DLGAP1: variants seen among roughly 807,000 people sequenced by gnomAD.
The protein encoded by DLGAP1 is disks large-associated protein 1.
A neutral mutation model predicts 90.8 loss-of-function variants in DLGAP1; 11 were observed. The ratio of observed to expected loss-of-function variants is 0.12; its 90% CI spans 0.08 to 0.20. DLGAP1 has a LOEUF of 0.20. Ranked by LOEUF, DLGAP1 falls within the 10% of genes least tolerant of loss-of-function variation. The pLI is 1.00. For synonymous variants in DLGAP1, 558 were observed against 540.7 expected (o/e 1.03, Z -0.44); for missense variants, 1,050 against 1,333.8 (o/e 0.79, Z 3.31).
intron 8 of DLGAP1, among the ~76,000 whole-genome samples, chr18:3,576,050 A>G (rs2055107634): frequency 6.6e-6 from 1 of 152,170 alleles, no homozygotes; most frequent in Non-Finnish European, 1.5e-5. Context: ...CTTACTGTCT[A>G]GCAGCCTCGA....
chr18:4,382,485 T>C (rs900616147), intron 1 of DLGAP1, among the ~76,000 whole-genome samples: 1 of 78,280 alleles, frequency 1.3e-5, no homozygotes, highest in African/African-American at 3.7e-5. Flanking sequence ...AACAGCATTA[T>C]GCTTTTTTTT....
chr18:4,183,730 T>G (rs556469263), intron 1 of DLGAP1, among the ~76,000 whole-genome samples: 1 of 152,248 alleles, frequency 6.6e-6, no homozygotes, highest in Admixed American at 6.6e-5. Flanking sequence ...TCAGATAATC[T>G]TTACCTGGGT....
At chr18:4,038,081 T>C (rs1184244945) in intron 2 of DLGAP1, among the ~76,000 whole-genome samples, 1 of 152,256 alleles carries the variant, frequency 6.6e-6, no homozygotes, top group Non-Finnish European at 1.5e-5. Flanking sequence ...ACTCTAGATA[T>C]GTAATCATGC....
intron 1 of DLGAP1, among the ~76,000 whole-genome samples, chr18:4,381,884 G>A (rs943288842): frequency 6.6e-6 from 1 of 152,158 alleles, no homozygotes; most frequent in Non-Finnish European, 1.5e-5. Flanking sequence ...GTTCCACGTG[G>A]CTGGGGAGGC....
intron 7 of DLGAP1, among the ~76,000 whole-genome samples, chr18:3,629,618 G>A (rs1289752427): frequency 1.3e-5 from 2 of 152,032 alleles, no homozygotes; most frequent in Non-Finnish European, 2.9e-5. Context: ...CTTGCAGTGA[G>A]CCGAGATCGC....
chr18:3,617,473 G>A (rs563751577), intron 7 of DLGAP1, among the ~76,000 whole-genome samples: 2 of 151,506 alleles, frequency 1.3e-5, no homozygotes, highest in South Asian at 2.1e-4. Flanking sequence ...GGTGGTGGGC[G>A]CCTGTAATCC....
rs149819179 is a variant in DLGAP1, at chr18:3,992,481, C to T, written c.-73+12635G>A. ...ATGCTTGAGTCCAGGAGTTCCAGAC[C>T]AGCCTGAGCAACATGGTGAAATCTG... On this transcript the variant is annotated intron_variant, in intron 3 of 12. Transcript: ENST00000315677. 1.1e-4 allele frequency among the ~76,000 whole-genome samples: 16 copies of T among 152,228 alleles called. No individual in the cohort carries two copies. The East Asian group carries it at 3.1e-3, about 29-fold the overall frequency.
intron 7 of DLGAP1, among the ~76,000 whole-genome samples, chr18:3,685,563 CAAAAAA>C (rs59737533): frequency 5.2e-5 from 4 of 76,606 alleles, no homozygotes; most frequent in Admixed American, 1.5e-4. Context: ...GATTCCGTCT[CAAAAAA>C]AAAAAAAAAA....
chr18:4,354,055 G>A (rs1243818684), intron 1 of DLGAP1, among the ~76,000 whole-genome samples: 3 of 152,164 alleles, frequency 2.0e-5, no homozygotes, highest in Non-Finnish European at 4.4e-5. Flanking sequence ...CGACAGGTAA[G>A]GAGTCTCTGT....
chr18:3,595,993 AGG>A (rs1380467769), intron 7 of DLGAP1, among the ~76,000 whole-genome samples: 1 of 152,180 alleles, frequency 6.6e-6, no homozygotes, highest in Non-Finnish European at 1.5e-5. Flanking sequence ...TGTTTACAGA[AGG>A]GGAAGATTCA....
chr18:4,204,155 C>G (rs2077669065), intron 1 of DLGAP1, among the ~76,000 whole-genome samples: 1 of 152,212 alleles, frequency 6.6e-6, no homozygotes, highest in Non-Finnish European at 1.5e-5. Context: ...CGCCATAATT[C>G]TTTCAACTGT....
chr18:3,535,072 CTGTG>C (rs111975324), intron 9 of DLGAP1, among the ~76,000 whole-genome samples: 10,552 of 144,648 alleles, frequency 0.073, 520 homozygotes, highest in African/African-American at 0.13. Flanking sequence ...TCAATCTTCT[CTGTG>C]TGTGTGTGTG....
chr18:4,284,245 G>A (rs538418793), intron 1 of DLGAP1, among the ~76,000 whole-genome samples: 47 of 151,348 alleles, frequency 3.1e-4, no homozygotes, highest in African/African-American at 1.1e-3. Flanking sequence ...CAAGCAGGGA[G>A]AAGCCTTTCA....
chr18:4,322,124 C>T lies in DLGAP1; in HGVS notation c.-267+132882G>A, dbSNP rs181422776. Among the ~76,000 whole-genome samples the T allele has an allele frequency of 2.4e-3, 369 of 151,902 alleles. 1 individual carries two copies. The highest frequency in any genetic ancestry group is 8.1e-3 in the African/African-American group (337 of 41,408). On this transcript the variant is annotated intron_variant, in intron 1 of 12. Coordinates refer to ENST00000315677, the MANE Select transcript of DLGAP1 (RefSeq NM_004746.4). ...CTGAGGCATGAGAATGGCTTGAACC[C>T]GGGAGGCTGAGGTTGCAGTGAACCA...
At chr18:4,115,477 C>CCTTCCTTTCTTTCTTT (rs1555742752) in intron 2 of DLGAP1, among the ~76,000 whole-genome samples, 1 of 145,364 alleles carries the variant, frequency 6.9e-6, no homozygotes, top group African/African-American at 2.8e-5. Flanking sequence ...TCATTTTCTT[C>CCTTCCTTTCTTTCTTT]CTTTCTTTCT....
At chr18:4,237,263 T>C (rs1418442923) in intron 1 of DLGAP1, among the ~76,000 whole-genome samples, 1 of 152,198 alleles carries the variant, frequency 6.6e-6, no homozygotes. Flanking sequence ...AAATTTATAC[T>C]TGTTGTTGTT....
At chr18:3,644,401 T>TTTCA (rs1555613021) in intron 7 of DLGAP1, among the ~76,000 whole-genome samples, 1 of 150,682 alleles carries the variant, frequency 6.6e-6, no homozygotes, top group Non-Finnish European at 1.5e-5. Context: ...TACTATTTTA[T>TTTCA]TTTATTTATT....
At chr18:4,153,269 G>T (rs1343387148) in intron 1 of DLGAP1, among the ~76,000 whole-genome samples, 1 of 152,184 alleles carries the variant, frequency 6.6e-6, no homozygotes, top group Non-Finnish European at 1.5e-5. Flanking sequence ...GTTTAAATCA[G>T]AATATTCATG....
chr18:3,702,360 A>G lies in DLGAP1; in HGVS notation c.1591+26775T>C, dbSNP rs550747645. On this transcript the variant is annotated intron_variant, in intron 7 of 12. Coordinates refer to ENST00000315677, the MANE Select transcript of DLGAP1 (RefSeq NM_004746.4). ...AATTTTAAAATAGCAGGTGTGCTTC[A>G]TGGTGCTCAATTGGATATGCTTCAC... Among the ~76,000 whole-genome samples, 28 of 152,358 alleles carry G rather than the reference A, an allele frequency of 1.8e-4. No individual in the cohort carries two copies. In the South Asian group the frequency reaches 5.6e-3, roughly 30 times the overall value.
Sources: gnomAD v4.1 joint callset for allele counts (sites outside exome capture counted in the v4.1 genomes callset) on GRCh38, gnomAD v4.1.1 for gene constraint, MANE v1.5 for transcripts, NCBI Gene and HGNC (gene_info 2026-07-23, HGNC 2026-07-21) for gene names.